Variants in CLEC7A observed in about 807,000 individuals in gnomAD.
CLEC7A encodes C-type lectin domain family 7 member A.
CLEC7A carries 25 observed loss-of-function variants against 26.9 expected under a neutral mutation model. The observed-to-expected ratio is 0.93, with a 90% CI of 0.68 to 1.30. The LOEUF is 1.30. Among genes scored for constraint, CLEC7A ranks in the 50% most tolerant of loss-of-function variants. The pLI, the probability that CLEC7A is intolerant of heterozygous loss-of-function variation, is 0.00. For missense variants in CLEC7A, 275 were observed against 286.7 expected, an observed-to-expected ratio of 0.96 and a Z score of 0.29; for synonymous variants, 100 against 99.5, an observed-to-expected ratio of 1.01 and a Z score of -0.03.
chr12:10,121,941 G>A (rs1286181169), intron 5 of CLEC7A, among the ~76,000 whole-genome samples: 3 of 152,132 alleles, frequency 2.0e-5, no homozygotes, highest in African/African-American at 7.2e-5. Context: ...CCGGGAGGCG[G>A]AGCTGGCAGT....
At chr12:10,127,477 G>T (rs751533359) in intron 2 of CLEC7A, 6 of 1,606,282 alleles carry the variant, frequency 3.7e-6, no homozygotes, top group Middle Eastern at 1.6e-4. Context: ...ATGTAGTTAA[G>T]AGTATGAGTT....
intron 5 of CLEC7A, 141 bp downstream of exon 5, chr12:10,123,104 C>G (rs1049354927): frequency 1.6e-6 from 1 of 619,124 alleles, no homozygotes; most frequent in Non-Finnish European, 2.9e-6. Flanking sequence ...TTCACTCTTT[C>G]TCTTCTTCTA....
chr12:10,125,543 C>T lies in CLEC7A; in HGVS notation c.341-95G>A, dbSNP rs996349363. 6.0e-6 allele frequency: 6 copies of T among 992,532 alleles called. No individual in the cohort carries two copies. In the African/African-American group the frequency reaches 1.0e-4, roughly 16 times the overall value. The allele number at this position is 992,532 out of a possible 1,614,324, so 61.5% of individuals were successfully genotyped here. A position where few individuals can be genotyped will look rare whatever the true frequency, so the allele number is the denominator to read the frequency against. ...CATCTTAAGGACACTTATGAAATAA[C>T]CAATTAGTTGCCATTTTTATATTTC... is the stretch of plus-strand genomic sequence containing the variant. On this transcript the variant is annotated intron_variant, in intron 3 of 5. Coordinates refer to ENST00000304084, the MANE Select transcript of CLEC7A (RefSeq NM_197947.3).
intron 5 of CLEC7A, among the ~76,000 whole-genome samples, chr12:10,120,477 T>A (rs147549897): frequency 6.6e-6 from 1 of 152,098 alleles, no homozygotes; most frequent in Non-Finnish European, 1.5e-5. Flanking sequence ...ATACCTGTAA[T>A]GTACAGTTGG....
chr12:10,121,750 G>A (rs1413937154), intron 5 of CLEC7A, among the ~76,000 whole-genome samples: 2 of 152,180 alleles, frequency 1.3e-5, no homozygotes, highest in Non-Finnish European at 2.9e-5. Flanking sequence ...CACCCAATAC[G>A]AGAAGTTTGA....
In CLEC7A at chr12:10,123,227, G is replaced by A. The variant is rs775992557; in HGVS notation, c.611+18C>T. ...TCTCTGAGAAAAAGGATGAAGCATT[G>A]TCTCTCCAAACACTTACAAGTTAGA... On this transcript the variant is annotated intron_variant, in intron 5 of 5. Transcript: ENST00000304084. The A allele has an allele frequency of 6.9e-7, 1 of 1,456,248 alleles. No homozygotes were observed. The highest frequency in any genetic ancestry group is 9.6e-7 in the Non-Finnish European group (1 of 1,036,740). 90.2% of individuals were successfully genotyped at this position (1,456,248 alleles called of 1,614,324 possible).
At chr12:10,129,917 C>T in intron 1 of CLEC7A, 63 bp downstream of exon 1, 1 of 966,602 alleles carries the variant, frequency 1.0e-6, no homozygotes, top group South Asian at 1.4e-5. Flanking sequence ...CATGCCTAGC[C>T]TCCCCTTATA....
At chr12:10,121,200 G>A (rs1948073552) in intron 5 of CLEC7A, among the ~76,000 whole-genome samples, 1 of 151,424 alleles carries the variant, frequency 6.6e-6, no homozygotes, top group South Asian at 2.1e-4. Flanking sequence ...GTATACATGT[G>A]TAATTCCTAG....
intron 5 of CLEC7A, among the ~76,000 whole-genome samples, chr12:10,122,484 C>CTTTTTTTTTTTTTTTT (rs143612827): frequency 3.0e-4 from 38 of 128,798 alleles, no homozygotes; most frequent in African/African-American, 1.1e-3. Context: ...TTCTTTTTTT[C>CTTTTTTTTTTTTTTTT]TTTTTTTTTT....
At position 10,126,647 on chromosome 12, in the gene CLEC7A, A is replaced by G. The variant is rs1305260791; in HGVS notation, c.264T>C (p.Asn88=). The G allele has an allele frequency of 1.2e-6, 2 of 1,612,670 alleles. No individual in the cohort carries two copies. Among genetic ancestry groups the G allele is most frequent in the Non-Finnish European group, 1.7e-6 (2 of 1,179,546 alleles). Residue 88 remains asparagine, a synonymous_variant, in exon 3 of 6, where the codon AAT becomes AAC. Transcript: ENST00000304084. ...GTGTGGGTTGACTGTGGTTCTCTTT[A>G]TTTCTTGATAGAAAGTAGCCATTCT... ...TLENGYFLSR[N]KENHSQPTQS... is the part of the protein sequence containing the mutation.
At position 10,125,405 on chromosome 12, in the gene CLEC7A, C is replaced by T. The variant is rs758605469; in HGVS notation, c.384G>A (p.Glu128=). The T allele has an allele frequency of 6.2e-7, 1 of 1,613,102 alleles. No individual in the cohort carries two copies. The highest frequency in any genetic ancestry group is 1.3e-5 in the African/African-American group (1 of 74,872). The change falls in exon 4 of 6, where the codon GAG becomes GAA. Residue 128 remains glutamate, a synonymous_variant. Coordinates refer to ENST00000304084, the MANE Select transcript of CLEC7A (RefSeq NM_197947.3). ...SPCPPNWIIY[E]KSCYLFSMSL... ...ACATGCTGAATAGATAACAGCTCTT[C>T]TCATATATAATCCAATTAGGAGGAC...
At position 10,127,740 on chromosome 12, in the gene CLEC7A, T is replaced by A; in HGVS notation, c.202+7A>T. On this transcript the variant is annotated splice_region_variant and intron_variant, in intron 2 of 5. Coordinates refer to ENST00000304084, the MANE Select transcript of CLEC7A (RefSeq NM_197947.3). Reference sequence around the variant, plus strand: ...TCTGTTGTTAATCTCCTCCACCAAATACTCACCCATGGTACCCAGGACCAC... The same window carrying A: ...TCTGTTGTTAATCTCCTCCACCAAAAACTCACCCATGGTACCCAGGACCAC... The A allele has an allele frequency of 6.4e-7, 1 of 1,557,562 alleles. No individual in the cohort carries two copies. Among genetic ancestry groups the A allele is most frequent in the Non-Finnish European group, 8.8e-7 (1 of 1,139,798 alleles).
rs1948439853 is a variant in CLEC7A, at chr12:10,130,049, C to T, written c.34G>A (p.Glu12Lys). The change falls in exon 1 of 6, where the codon GAA becomes AAA. Residue 12 changes from glutamate (E) to lysine (K), a missense_variant. Coordinates refer to ENST00000304084, the MANE Select transcript of CLEC7A (RefSeq NM_197947.3). The stretch of plus-strand genomic sequence containing the variant: ...AAGTGTAATTGAGTATATCCATCTT[C>T]ATCCAAATTTTCTAAATCAGGATGA... ...EYHPDLENLD[E>K]DGYTQLHFDS... 2 of 1,608,434 alleles carry T rather than the reference C, an allele frequency of 1.2e-6. No individual in the cohort carries two copies. Among genetic ancestry groups the T allele is most frequent in the East Asian group, 2.2e-5 (1 of 44,834 alleles).
intron 2 of CLEC7A, chr12:10,127,296 T>C: frequency 6.7e-7 from 1 of 1,494,712 alleles, no homozygotes; most frequent in East Asian, 2.3e-5. Flanking sequence ...AATAATTTCC[T>C]TAAATAATGT....
At chr12:10,127,024 T>C (rs1434809126) in intron 2 of CLEC7A, 2 of 1,394,980 alleles carry the variant, frequency 1.4e-6, no homozygotes, top group African/African-American at 2.9e-5. Context: ...AGATTTGAAA[T>C]AGCAACATCT....
At chr12:10,125,224 A>T in intron 4 of CLEC7A, 73 bp downstream of exon 4, 1 of 1,339,278 alleles carries the variant, frequency 7.5e-7, no homozygotes, top group South Asian at 1.3e-5. Flanking sequence ...AAAAATTGTC[A>T]TTACCTGGAA....
intron 5 of CLEC7A, among the ~76,000 whole-genome samples, chr12:10,122,563 A>G (rs187684550): frequency 6.8e-6 from 1 of 146,552 alleles, no homozygotes; most frequent in Non-Finnish European, 1.5e-5. Context: ...CAATGGTGCA[A>G]TCTCAGCTCA....
intron 5 of CLEC7A, 146 bp downstream of exon 5, chr12:10,123,097 ACT>A (rs1948148174): frequency 1.6e-6 from 1 of 610,176 alleles, no homozygotes; most frequent in Non-Finnish European, 2.9e-6. Context: ...GTCCTAGTTC[ACT>A]CTTTCTCTTC....
intron 2 of CLEC7A, chr12:10,127,069 C>A: frequency 7.2e-7 from 1 of 1,391,960 alleles, no homozygotes; most frequent in Non-Finnish European, 9.5e-7. Flanking sequence ...AATGAGAGAT[C>A]CTTGAGAAAC....
Sources: allele counts gnomAD v4.1 joint callset (sites outside exome capture counted in the v4.1 genomes callset), GRCh38; gene constraint gnomAD v4.1.1; transcripts MANE v1.5; gene names NCBI Gene and HGNC (gene_info 2026-07-23, HGNC 2026-07-21).